LNX2: variants seen among roughly 807,000 people sequenced by gnomAD.
LNX2 encodes the protein ligand of numb-protein X 2, also known as ligand of Numb protein X 2.
In LNX2, 35 loss-of-function variants were observed where a neutral mutation model predicts 66.2. The observed-to-expected ratio is 0.53, with a 90% CI of 0.40 to 0.70. LNX2 has a LOEUF of 0.70. LNX2 is among the 30% of genes least tolerant of loss of function. The pLI, the probability that LNX2 is intolerant of heterozygous loss-of-function variation, is 0.00. For synonymous variants in LNX2, 337 were observed against 315.6 expected, an observed-to-expected ratio of 1.07 and a Z score of -0.72; for missense variants, 791 against 850.8, an observed-to-expected ratio of 0.93 and a Z score of 0.87.
chr13:27,573,919 C>A, intron 2 of LNX2, among the ~76,000 whole-genome samples: 1 of 111,318 alleles, frequency 9.0e-6, no homozygotes, highest in Non-Finnish European at 1.8e-5. Context: ...ACAGCCCATT[C>A]ACAGGAAAAA....
chr13:27,560,563 G>GTATATATATATATATATATA (rs1382726431), intron 5 of LNX2, among the ~76,000 whole-genome samples: 3 of 50,828 alleles, frequency 5.9e-5, no homozygotes, highest in Admixed American at 4.5e-4. Flanking sequence ...ATATGTATGT[G>GTATATATATATATATATATA]TGTATATATA....
rs776853288 is a variant in LNX2 at position 27,559,953 on chromosome 13, A to C, written c.1257T>G (p.Ala419=). Residue 419 remains alanine, a synonymous_variant, in exon 6 of 10, where the codon GCT becomes GCG. Transcript: ENST00000316334. ...TACCAGGCTGGGGTTTCCCTGGTCT[A>C]GCAATTGTTAAATTCACTCTCTCTC... The part of the protein sequence containing the change: ...ASGERVNLTI[A]RPGKPQPGNT... 2.5e-6 allele frequency: 4 copies of C among 1,609,420 alleles called. No homozygotes were observed. In the Admixed American group the frequency reaches 6.7e-5, roughly 27 times the overall value.
intron 2 of LNX2, among the ~76,000 whole-genome samples, chr13:27,576,303 A>G (rs1044707637): frequency 2.0e-5 from 3 of 152,200 alleles, no homozygotes; most frequent in Non-Finnish European, 4.4e-5. Flanking sequence ...CTTTAACACT[A>G]TAGACCAATT....
intron 1 of LNX2, among the ~76,000 whole-genome samples, chr13:27,587,082 A>C (rs1193050953): frequency 6.6e-6 from 1 of 152,190 alleles, no homozygotes; most frequent in Non-Finnish European, 1.5e-5. Flanking sequence ...AAGGGTCTTC[A>C]CTGGCCCTAA....
At chr13:27,597,462 T>C (rs1955611373) in intron 1 of LNX2, among the ~76,000 whole-genome samples, 1 of 152,062 alleles carries the variant, frequency 6.6e-6, no homozygotes, top group Non-Finnish European at 1.5e-5. Flanking sequence ...AATTGATATT[T>C]CAGAAATAGT....
At chr13:27,582,409 A>G (rs1031125168) in intron 1 of LNX2, among the ~76,000 whole-genome samples, 2 of 152,208 alleles carry the variant, frequency 1.3e-5, no homozygotes, top group African/African-American at 4.8e-5. Flanking sequence ...CATAAGAAAC[A>G]ATCGATTTGT....
intron 1 of LNX2, among the ~76,000 whole-genome samples, chr13:27,592,907 A>C (rs985428237): frequency 6.6e-6 from 1 of 152,228 alleles, no homozygotes; most frequent in Non-Finnish European, 1.5e-5. Context: ...TTCATTGGTG[A>C]CCTTGATAGA....
rs747423337 is a variant in LNX2 at position 27,575,743 on chromosome 13, CCTGA to C, written c.407+5550_407+5553del. Among the ~76,000 whole-genome samples the C allele has an allele frequency of 2.0e-5, 3 of 152,098 alleles. No individual in the cohort carries two copies. In the East Asian group the frequency reaches 5.8e-4, roughly 29 times the overall value. ...TATTGGTTCTATTTCCTTACAGATC[CCTGA>C]CTAATTCATTAGTGAAAATGAAGCT... On this transcript the variant is annotated intron_variant, in intron 2 of 9. Coordinates refer to ENST00000316334, the MANE Select transcript of LNX2 (RefSeq NM_153371.4).
intron 2 of LNX2, among the ~76,000 whole-genome samples, chr13:27,581,038 AT>A (rs1037001905): frequency 1.4e-4 from 21 of 152,244 alleles, no homozygotes; most frequent in African/African-American, 4.8e-4. Flanking sequence ...CTATTTGAAT[AT>A]ATCAGTTTCA....
intron 1 of LNX2, among the ~76,000 whole-genome samples, chr13:27,597,966 G>C (rs930812263): frequency 6.6e-6 from 1 of 151,972 alleles, no homozygotes; most frequent in African/African-American, 2.4e-5. Context: ...GCCAAAATTT[G>C]ATAATCCATT....
intron 1 of LNX2, among the ~76,000 whole-genome samples, chr13:27,605,453 T>G (rs1358509806): frequency 2.0e-5 from 3 of 152,210 alleles, no homozygotes; most frequent in African/African-American, 7.2e-5. Flanking sequence ...ATTGGCCAAC[T>G]ATGTGGCATA....
At chr13:27,586,964 C>T (rs987039476) in intron 1 of LNX2, among the ~76,000 whole-genome samples, 57 of 152,202 alleles carry the variant, frequency 3.7e-4, no homozygotes, top group African/African-American at 1.3e-3. Flanking sequence ...TAAGAATATC[C>T]ACAAAGACTC....
intron 2 of LNX2, among the ~76,000 whole-genome samples, chr13:27,577,908 TTCAAAGAAACAA>T (rs1003856354): frequency 1.3e-5 from 2 of 152,146 alleles, no homozygotes; most frequent in African/African-American, 4.8e-5. Flanking sequence ...TTGGCAGAAT[TTCAAAGAAACAA>T]TCAAAATGTT....
At chr13:27,608,026 T>A (rs1265810299) in intron 1 of LNX2, among the ~76,000 whole-genome samples, 1 of 152,008 alleles carries the variant, frequency 6.6e-6, no homozygotes, top group Non-Finnish European at 1.5e-5. Flanking sequence ...CCCCACAGCA[T>A]GTAAACTCCA....
chr13:27,603,419 A>G (rs1593263115), intron 1 of LNX2, among the ~76,000 whole-genome samples: 1 of 131,266 alleles, frequency 7.6e-6, no homozygotes, highest in Non-Finnish European at 1.7e-5. Flanking sequence ...ACAATTGCAC[A>G]TTCTGAATTA....
In LNX2 at chr13:27,581,475, A is replaced by G. The variant is rs1728749879; in HGVS notation, c.229T>C (p.Phe77Leu). 1 of 1,610,930 alleles carries G rather than the reference A, an allele frequency of 6.2e-7. No individual in the cohort carries two copies. The highest frequency in any genetic ancestry group is 1.3e-5 in the African/African-American group (1 of 74,838). The change falls in exon 2 of 10, where the codon TTT (phenylalanine) becomes CTT (leucine). Residue 77 changes from phenylalanine (F) to leucine (L), a missense_variant. Physicochemically the swap from Phe to Leu is conservative, Grantham distance 22 (BLOSUM62 0). Coordinates refer to ENST00000316334, the MANE Select transcript of LNX2 (RefSeq NM_153371.4). ...GGACAGAAATCTTTCTCTTGTAAAA[A>G]GTTTCTGAGGCACTTGTAGCAGAAT... Reference protein sequence around the residue: ...HTFCYKCLRNFLQEKDFCPLD... With the variant: ...HTFCYKCLRNLLQEKDFCPLD...
Position 27,548,373 on chromosome 13 carries a change from T to A in LNX2, c.2035A>T (p.Thr679Ser). ...PMLKEQRNKV[T>S]LTVICWPGSL... ...CCAGGCCAACAAATAACGGTCAGAG[T>A]GACTTTGTTCCTCTGCTCCTTCAAC... Residue 679 changes from threonine to serine, a missense_variant, in exon 10 of 10, where the codon ACT becomes TCT. Physicochemically the swap from Thr to Ser is moderately conservative, Grantham distance 58. Coordinates refer to ENST00000316334, the MANE Select transcript of LNX2 (RefSeq NM_153371.4). 6.2e-7 allele frequency: 1 copy of A among 1,613,892 alleles called. No individual in the cohort carries two copies. The highest frequency in any genetic ancestry group is 8.5e-7 in the Non-Finnish European group (1 of 1,179,878).
intron 2 of LNX2, 97 bp from the exon 3 acceptor site, chr13:27,569,373 C>A (rs920382049): frequency 4.5e-6 from 6 of 1,345,224 alleles, no homozygotes; most frequent in Non-Finnish European, 6.1e-6. Context: ...CAAACAGAAC[C>A]AGAAGCTAGA....
At chr13:27,561,249 T>A (rs1320676830) in intron 5 of LNX2, among the ~76,000 whole-genome samples, 1 of 152,238 alleles carries the variant, frequency 6.6e-6, no homozygotes, top group African/African-American at 2.4e-5. Context: ...TTAGATAATT[T>A]AAACATTGCC....
Sources: allele counts gnomAD v4.1 joint callset (sites outside exome capture counted in the v4.1 genomes callset), GRCh38; gene constraint gnomAD v4.1.1; transcripts MANE v1.5; gene names NCBI Gene and HGNC (gene_info 2026-07-23, HGNC 2026-07-21).